CDH12: variants seen among roughly 807,000 people sequenced by gnomAD.
CDH12 encodes the protein cadherin-12.
CDH12 carries 41 observed loss-of-function variants against 74.1 expected under a neutral mutation model. The ratio of observed to expected loss-of-function variants is 0.55; its 90% CI spans 0.43 to 0.72. The LOEUF (loss-of-function observed/expected upper bound fraction) is 0.72, where lower values mean the gene tolerates loss of function less well. Ranked by LOEUF, CDH12 falls within the 30% of genes least tolerant of loss-of-function variation. The pLI, the probability that CDH12 is intolerant of heterozygous loss-of-function variation, is 0.00. For missense variants in CDH12, 945 were observed against 977.2 expected (o/e 0.97, Z 0.44); for synonymous variants, 399 against 355.0 (o/e 1.12, Z -1.39).
intron 4 of CDH12, among the ~76,000 whole-genome samples, chr5:22,106,974 G>T (rs1415045238): frequency 6.6e-6 from 1 of 152,066 alleles, no homozygotes; most frequent in Admixed American, 6.6e-5. Context: ...AACAACAAAG[G>T]AAGGTGTTTT....
intron 11 of CDH12, among the ~76,000 whole-genome samples, chr5:21,775,627 CT>C (rs1225709809): frequency 3.3e-5 from 5 of 152,076 alleles, no homozygotes; most frequent in African/African-American, 1.2e-4. Flanking sequence ...GAATGGCATC[CT>C]TCCTTCCATG....
intron 4 of CDH12, among the ~76,000 whole-genome samples, chr5:22,204,171 T>G (rs1442775343): frequency 2.7e-5 from 4 of 148,360 alleles, no homozygotes; most frequent in Non-Finnish European, 4.5e-5. Flanking sequence ...TGTTTTTTTT[T>G]TTTTGTTTTT....
At chr5:22,851,774 T>C (rs1432163570) in intron 1 of CDH12, among the ~76,000 whole-genome samples, 1 of 152,168 alleles carries the variant, frequency 6.6e-6, no homozygotes, top group Non-Finnish European at 1.5e-5. Context: ...CATGGAATTA[T>C]TTATAATAAA....
intron 5 of CDH12, among the ~76,000 whole-genome samples, chr5:21,994,784 C>T (rs1292688794): frequency 1.3e-5 from 2 of 152,094 alleles, no homozygotes; most frequent in Admixed American, 6.6e-5. Context: ...CACCAATCAG[C>T]GTTCTGTGAC....
At chr5:22,570,610 C>T (rs1239892829) in intron 1 of CDH12, among the ~76,000 whole-genome samples, 1 of 152,116 alleles carries the variant, frequency 6.6e-6, no homozygotes, top group African/African-American at 2.4e-5. Flanking sequence ...TGGCTGTCAT[C>T]CAGGCTTAGT....
chr5:22,629,376 C>G (rs1385507642), intron 1 of CDH12, among the ~76,000 whole-genome samples: 1 of 151,986 alleles, frequency 6.6e-6, no homozygotes, highest in Non-Finnish European at 1.5e-5. Context: ...AAAATACTAG[C>G]AAACTGAATC....
Position 22,629,644 on chromosome 5 carries a change from A to T in CDH12, c.-522-124280T>A, listed in dbSNP as rs186028667. On this transcript the variant is annotated intron_variant, in intron 1 of 14. Coordinates refer to ENST00000382254, the MANE Select transcript of CDH12 (RefSeq NM_004061.5). The stretch of plus-strand genomic sequence containing the variant: ...TTAGATTCATCTATGGCAAACCCAC[A>T]GCCAACATCATAATGAATGAGCAAA... Among the ~76,000 whole-genome samples the T allele has an allele frequency of 7.9e-5, 12 of 152,288 alleles. No individual in the cohort carries two copies. The East Asian group carries it at 2.3e-3, about 29-fold the overall frequency.
chr5:22,751,528 T>C (rs188469144), intron 1 of CDH12, among the ~76,000 whole-genome samples: 133 of 152,098 alleles, frequency 8.7e-4, no homozygotes, highest in Non-Finnish European at 1.7e-3. Context: ...TGTGATATTA[T>C]ATAAAGTTAG....
chr5:21,986,963 C>A (rs1757543766), intron 5 of CDH12, among the ~76,000 whole-genome samples: 1 of 151,936 alleles, frequency 6.6e-6, no homozygotes, highest in Admixed American at 6.6e-5. Flanking sequence ...GTCCCAAGTG[C>A]AAAATATAAT....
At chr5:22,147,549 G>A (rs1747273119) in intron 4 of CDH12, among the ~76,000 whole-genome samples, 1 of 151,226 alleles carries the variant, frequency 6.6e-6, no homozygotes, top group Admixed American at 6.6e-5. Flanking sequence ...CCATTTTCAT[G>A]CTGCTGATTA....
rs193250046 is a variant in CDH12 at position 21,833,343 on chromosome 5, A to T, written c.814+8818T>A. Among the ~76,000 whole-genome samples, 206 of 40,948 alleles carry T rather than the reference A, an allele frequency of 5.0e-3. 18 individuals carry two copies. The highest frequency in any genetic ancestry group is 6.4e-3 in the South Asian group (8 of 1,242). 26.9% of individuals were successfully genotyped at this position (40,948 alleles called of 152,430 possible). A position where few individuals can be genotyped will look rare whatever the true frequency, so the allele number is the denominator to read the frequency against. The stretch of plus-strand genomic sequence containing the variant: ...TATAATATATATTATATATTATATA[A>T]CATATAATATATATTATATATTATA... On this transcript the variant is annotated intron_variant, in intron 8 of 14. Coordinates refer to ENST00000382254, the MANE Select transcript of CDH12 (RefSeq NM_004061.5).
chr5:22,018,939 G>A (rs1048293901), intron 5 of CDH12, among the ~76,000 whole-genome samples: 1 of 152,082 alleles, frequency 6.6e-6, no homozygotes, highest in African/African-American at 2.4e-5. Context: ...AGGCATGATG[G>A]CATGTGCCTG....
intron 2 of CDH12, among the ~76,000 whole-genome samples, chr5:22,461,850 T>G (rs1241108622): frequency 6.6e-6 from 1 of 152,028 alleles, no homozygotes; most frequent in Non-Finnish European, 1.5e-5. Context: ...TTATTAAATG[T>G]TATATGAGCA....
intron 6 of CDH12, among the ~76,000 whole-genome samples, chr5:21,886,033 G>A (rs978508683): frequency 1.3e-5 from 2 of 152,076 alleles, no homozygotes; most frequent in Admixed American, 1.3e-4. Context: ...TCATTTGGCT[G>A]AAAATAAAAT....
At chr5:22,514,067 G>A (rs1272435080) in intron 1 of CDH12, among the ~76,000 whole-genome samples, 1 of 151,152 alleles carries the variant, frequency 6.6e-6, no homozygotes, top group Non-Finnish European at 1.5e-5. Flanking sequence ...TAAAATGATA[G>A]CAATATTATT....
chr5:22,666,616 A>G (rs1326212192), intron 1 of CDH12, among the ~76,000 whole-genome samples: 1 of 151,968 alleles, frequency 6.6e-6, no homozygotes, highest in Non-Finnish European at 1.5e-5. Context: ...TCCCATTCTT[A>G]GCTAACATCA....
intron 3 of CDH12, among the ~76,000 whole-genome samples, chr5:22,279,675 C>G (rs1198423881): frequency 6.6e-6 from 1 of 151,890 alleles, no homozygotes; most frequent in African/African-American, 2.4e-5. Context: ...TGGCTTCCAG[C>G]TTCGTCCATG....
At chr5:22,124,974 G>A (rs912316541) in intron 4 of CDH12, among the ~76,000 whole-genome samples, 2 of 152,136 alleles carry the variant, frequency 1.3e-5, no homozygotes, top group Non-Finnish European at 2.9e-5. Flanking sequence ...CAAACAAAAG[G>A]CAAAATAATT....
chr5:22,430,435 T>C (rs908023194), intron 2 of CDH12, among the ~76,000 whole-genome samples: 1 of 152,178 alleles, frequency 6.6e-6, no homozygotes, highest in African/African-American at 2.4e-5. Flanking sequence ...TTGGTAAATT[T>C]GTTTGAAAAA....
Sources: gnomAD v4.1 joint callset for allele counts (sites outside exome capture counted in the v4.1 genomes callset) on GRCh38, gnomAD v4.1.1 for gene constraint, MANE v1.5 for transcripts, NCBI Gene and HGNC (gene_info 2026-07-23, HGNC 2026-07-21) for gene names.